Variants in KRT32 observed in about 807,000 individuals in gnomAD.
KRT32 encodes the protein keratin 32.
KRT32 carries 44 observed loss-of-function variants against 41.8 expected under a neutral mutation model. The ratio of observed to expected loss-of-function variants is 1.05; its 90% CI spans 0.83 to 1.35. KRT32 has a LOEUF of 1.35. Among genes scored for constraint, KRT32 ranks in the 40% most tolerant of loss-of-function variants. The pLI is 0.00. For synonymous variants in KRT32, 238 were observed against 242.5 expected, an observed-to-expected ratio of 0.98 and a Z score of 0.17; for missense variants, 576 against 584.6, an observed-to-expected ratio of 0.99 and a Z score of 0.15.
chr17:41,467,336 C>A lies in KRT32; in HGVS notation c.-11G>T. 1 of 1,585,242 alleles carries A rather than the reference C, an allele frequency of 6.3e-7. No homozygotes were observed. The highest frequency in any genetic ancestry group is 8.6e-7 in the Non-Finnish European group (1 of 1,162,300). The stretch of plus-strand genomic sequence containing the variant: ...GCAGGAGGATGTCATGTTGGAGAGG[C>A]CCTTTCTCCTCAGCCACAGCTACCT... On this transcript the variant is annotated 5_prime_UTR_variant, in exon 1 of 7. Coordinates refer to ENST00000225899, the MANE Select transcript of KRT32 (RefSeq NM_002278.3).
At chr17:41,465,278 G>A (rs1443568849) in intron 3 of KRT32, among the ~76,000 whole-genome samples, 2 of 152,152 alleles carry the variant, frequency 1.3e-5, no homozygotes, top group Non-Finnish European at 2.9e-5. Flanking sequence ...CACTGCAGCT[G>A]TACTCCCTCT....
At position 41,460,008 on chromosome 17, in the gene KRT32, G is replaced by A; in HGVS notation, c.*102C>T. 7.8e-7 allele frequency: 1 copy of A among 1,285,034 alleles called. No homozygotes were observed. 79.6% of individuals were successfully genotyped at this position (1,285,034 alleles called of 1,614,324 possible). A position where few individuals can be genotyped will look rare whatever the true frequency, so the allele number is the denominator to read the frequency against. The stretch of plus-strand genomic sequence containing the variant: ...GCAGGTGATCCACGGTCCTGCTCAG[G>A]GTCTTCCTTGCTGACCGGGGCTGGC... On this transcript the variant is annotated 3_prime_UTR_variant, in exon 7 of 7. Coordinates refer to ENST00000225899, the MANE Select transcript of KRT32 (RefSeq NM_002278.3).
Position 41,462,978 on chromosome 17 carries a change from T to C in KRT32, c.1069A>G (p.Met357Val), listed in dbSNP as rs760255317. The C allele has an allele frequency of 4.8e-5, 77 of 1,613,938 alleles. No individual in the cohort carries two copies. Among genetic ancestry groups the C allele is most frequent in the Non-Finnish European group, 5.9e-5 (70 of 1,179,930 alleles). The change falls in exon 6 of 7, where the codon ATG becomes GTG. Residue 357 changes from methionine (M) to valine (V), a missense_variant. By Grantham distance (21) the Met-to-Val change is conservative. Transcript: ENST00000225899. Reference protein sequence around the residue: ...YSSQLAQMQCMITNVEAQLAE... With the variant: ...YSSQLAQMQCVITNVEAQLAE... ...AGCTGGGCCTCAACGTTGGTGATCA[T>C]GCACTGCATCTGGGCCAGCTGGGAG...
At chr17:41,462,687 T>A in intron 6 of KRT32, 143 bp downstream of exon 6, 1 of 907,146 alleles carries the variant, frequency 1.1e-6, no homozygotes. Context: ...CTGACTTCCT[T>A]CAGAGCATAC....
chr17:41,465,302 A>G (rs1303149167), intron 3 of KRT32, among the ~76,000 whole-genome samples: 1 of 152,106 alleles, frequency 6.6e-6, no homozygotes, highest in African/African-American at 2.4e-5. Context: ...AAGAGATGGG[A>G]CTGCTTCTGA....
At position 41,465,907 on chromosome 17, in the gene KRT32, G is replaced by C. The variant is rs777612920; in HGVS notation, c.574C>G (p.Arg192Gly). ...RAKYEAELAM[R>G]QLVEADINGL... Reference sequence around the variant, plus strand: ...TTGATGTCGGCCTCCACCAGCTGCCGCATGGCCAGCTCTGCCTCGTACCTG... The same window carrying C: ...TTGATGTCGGCCTCCACCAGCTGCCCCATGGCCAGCTCTGCCTCGTACCTG... The change falls in exon 3 of 7, where the codon CGG (arginine) becomes GGG (glycine). Residue 192 changes from arginine (R) to glycine (G), a missense_variant. Arg to Gly is a moderately radical substitution (Grantham distance 125). Coordinates refer to ENST00000225899, the MANE Select transcript of KRT32 (RefSeq NM_002278.3). 2 of 1,613,768 alleles carry C rather than the reference G, an allele frequency of 1.2e-6. No individual in the cohort carries two copies. The highest frequency in any genetic ancestry group is 3.3e-5 in the Admixed American group (2 of 59,996).
intron 5 of KRT32, among the ~76,000 whole-genome samples, chr17:41,463,753 G>T (rs2019033097): frequency 6.6e-6 from 1 of 151,936 alleles, no homozygotes; most frequent in Non-Finnish European, 1.5e-5. Context: ...CAGAGACTCT[G>T]GTTCAGTTGG....
In KRT32 at chr17:41,464,102, G is replaced by A. The variant is rs367809321; in HGVS notation, c.972C>T (p.Ile324=). Residue 324 remains isoleucine, a synonymous_variant, in exon 5 of 7, where the codon ATC becomes ATT. Transcript: ENST00000225899. ...CCAGGCTGTGCTGGGCCTGCAGCTC[G>A]ATCTCCAGCGTGTTGACCGTGCGTC... ...DLRRTVNTLE[I]ELQAQHSLRD... 1.1e-4 allele frequency: 173 copies of A among 1,606,256 alleles called. No individual in the cohort carries two copies. Among genetic ancestry groups the A allele is most frequent in the South Asian group, 2.3e-4 (21 of 89,932 alleles).
Position 41,467,242 on chromosome 17 carries a change from G to T in KRT32, c.84C>A (p.Gly28=), listed in dbSNP as rs374011849. 3.1e-6 allele frequency: 5 copies of T among 1,613,808 alleles called. No individual in the cohort carries two copies. The Admixed American group carries it at 8.3e-5, about 27-fold the overall frequency. The change falls in exon 1 of 7, where the codon GGC becomes GGA. Residue 28 remains glycine (G), a synonymous_variant. Transcript: ENST00000225899. ...GGCACAGCTCAGGCCGGCAGTTCAC[G>T]CCGCTGGAACAGACCGAGGCAGGCC... The part of the protein sequence containing the change: ...CPRPASVCSS[G]VNCRPELCLG...
In KRT32 at chr17:41,462,848, A is replaced by T; in HGVS notation, c.1199T>A (p.Leu400Gln). The change falls in exon 6 of 7, where the codon CTG becomes CAG. Residue 400 changes from leucine (L) to glutamine (Q), a missense_variant. Physicochemically the swap from Leu to Gln is moderately radical, Grantham distance 113. Coordinates refer to ENST00000225899, the MANE Select transcript of KRT32 (RefSeq NM_002278.3). ...EGEINTYRSL[L>Q]ENEDCKLPCN... ...TGCGTACTTGCAGTCCTCGTTCTCCAGCAGGCTCCGGTACGTGTTGATCTC... is the reference window on the plus strand; with the variant it reads ...TGCGTACTTGCAGTCCTCGTTCTCCTGCAGGCTCCGGTACGTGTTGATCTC... The T allele has an allele frequency of 1.2e-6, 2 of 1,613,404 alleles. No homozygotes were observed. The highest frequency in any genetic ancestry group is 1.7e-6 in the Non-Finnish European group (2 of 1,179,910).
intron 6 of KRT32, among the ~76,000 whole-genome samples, chr17:41,462,018 T>G (rs943147498): frequency 1.3e-5 from 2 of 152,170 alleles, no homozygotes; most frequent in Non-Finnish European, 2.9e-5. Context: ...CTGGTTCCCC[T>G]CCCTCTACTC....
In KRT32 at chr17:41,462,813, C is replaced by G. The variant is rs746244606; in HGVS notation, c.1217+17G>C. The G allele has an allele frequency of 1.1e-5, 18 of 1,612,196 alleles. No homozygotes were observed. The highest frequency in any genetic ancestry group is 1.4e-5 in the Non-Finnish European group (16 of 1,179,566). On this transcript the variant is annotated intron_variant, in intron 6 of 6. Transcript: ENST00000225899. ...TCCCTGCCCACGTCTCTCTAAGCCT[C>G]AGCTGGGCCTGCGTACTTGCAGTCC...
chr17:41,464,898 A>C (rs1332308498), intron 3 of KRT32, among the ~76,000 whole-genome samples: 1 of 152,178 alleles, frequency 6.6e-6, no homozygotes, highest in African/African-American at 2.4e-5. Flanking sequence ...ATAACTTCTC[A>C]TTAGTGGCTT....
At position 41,460,188 on chromosome 17, in the gene KRT32, G is replaced by A. The variant is rs1166926293; in HGVS notation, c.1269C>T (p.Ser423=). The A allele has an allele frequency of 6.2e-7, 1 of 1,612,420 alleles. No homozygotes were observed. Residue 423 remains serine, a synonymous_variant, in exon 7 of 7, where the codon TCC becomes TCT. Transcript: ENST00000225899. ...CACAGACGGTGCGGGGCACGCATGG[G>A]GAGGGCACACAGGTGGTGCAGGAAG... ...STPSCTTCVP[S]PCVPRTVCVP... is the part of the protein sequence containing the mutation.
Position 41,460,244 on chromosome 17 carries a change from A to G in KRT32, c.1218-5T>C. ...GAGCATGGGTTACAGGGCAGCCTGC[A>G]GGAGAAAGTCAAAGAGAAACAGGAT... On this transcript the variant is annotated splice_region_variant and splice_polypyrimidine_tract_variant and intron_variant, in intron 6 of 6. Coordinates refer to ENST00000225899, the MANE Select transcript of KRT32 (RefSeq NM_002278.3). 2 of 1,586,302 alleles carry G rather than the reference A, an allele frequency of 1.3e-6. No individual in the cohort carries two copies. Among genetic ancestry groups the G allele is most frequent in the Non-Finnish European group, 8.6e-7 (1 of 1,165,882 alleles).
Position 41,465,874 on chromosome 17 carries a change from G to A in KRT32, c.607C>T (p.Arg203Cys), listed in dbSNP as rs373985240. The A allele has an allele frequency of 4.4e-5, 71 of 1,613,986 alleles. No homozygotes were observed. Among genetic ancestry groups the A allele is most frequent in the Admixed American group, 3.5e-4 (21 of 60,018 alleles). The part of the protein sequence containing the change: ...QLVEADINGL[R>C]RILDDLTLCK... ...AGAGTGAGATCATCCAGGATCCTGCGCAGGCCATTGATGTCGGCCTCCACC... is the reference window on the plus strand; with the variant it reads ...AGAGTGAGATCATCCAGGATCCTGCACAGGCCATTGATGTCGGCCTCCACC... The change falls in exon 3 of 7, where the codon CGC (arginine) becomes TGC (cysteine). Residue 203 changes from arginine (R) to cysteine (C), a missense_variant. Arg to Cys is a radical substitution (Grantham distance 180). Transcript: ENST00000225899.
At chr17:41,466,458 A>G (rs980393511) in intron 1 of KRT32, among the ~76,000 whole-genome samples, 4 of 152,244 alleles carry the variant, frequency 2.6e-5, no homozygotes, top group African/African-American at 9.6e-5. Context: ...GAAGTCACTC[A>G]TGTGACAGTT....
Position 41,459,653 on chromosome 17 carries a change from T to C in KRT32, c.*457A>G, listed in dbSNP as rs2018979598. Reference sequence around the variant, plus strand: ...TAATTGATTAGTTTTAACTGGTTTATGGCATGCGGGCCCTTTTAGTGAACA... The same window carrying C: ...TAATTGATTAGTTTTAACTGGTTTACGGCATGCGGGCCCTTTTAGTGAACA... On this transcript the variant is annotated 3_prime_UTR_variant, in exon 7 of 7. Coordinates refer to ENST00000225899, the MANE Select transcript of KRT32 (RefSeq NM_002278.3). Among the ~76,000 whole-genome samples, 1 of 152,212 alleles carries C rather than the reference T, an allele frequency of 6.6e-6. No homozygotes were observed.
intron 6 of KRT32, among the ~76,000 whole-genome samples, chr17:41,462,457 A>G (rs1252277975): frequency 2.0e-5 from 3 of 152,162 alleles, no homozygotes; most frequent in African/African-American, 7.2e-5. Context: ...GCTGCTTTTC[A>G]TCCTAAGCTC....
Sources: gnomAD v4.1 joint callset for allele counts (sites outside exome capture counted in the v4.1 genomes callset) on GRCh38, gnomAD v4.1.1 for gene constraint, MANE v1.5 for transcripts, NCBI Gene and HGNC (gene_info 2026-07-23, HGNC 2026-07-21) for gene names.